TECTB: variants seen among roughly 807,000 people sequenced by gnomAD.
TECTB encodes the protein tectorin beta.
A neutral mutation model predicts 43.3 loss-of-function variants in TECTB; 45 were observed. The ratio of observed to expected loss-of-function variants is 1.04; its 90% CI spans 0.82 to 1.33. TECTB has a LOEUF of 1.33. TECTB is among the 40% of genes most tolerant of loss of function. TECTB has a pLI of 0.00. For missense variants in TECTB, 399 were observed against 404.7 expected (o/e 0.99, Z 0.12); for synonymous variants, 169 against 156.7 (o/e 1.08, Z -0.59).
intron 5 of TECTB, among the ~76,000 whole-genome samples, chr10:112,293,033 C>T (rs906946968): frequency 1.3e-5 from 2 of 152,236 alleles, no homozygotes; most frequent in Admixed American, 6.5e-5. Context: ...CCTCACACTC[C>T]TGATCTTCCT....
At position 112,286,232 on chromosome 10, in the gene TECTB, TG is replaced by T. The variant is rs778869377; in HGVS notation, c.410+21del. On this transcript the variant is annotated intron_variant, in intron 4 of 10. Coordinates refer to ENST00000646139, the MANE Select transcript of TECTB (RefSeq NM_058222.3). ...ACCAGAGGTAAGTTGCTGTGCGGCA[TG>T]GAGGGCTGGCTGCCTCATGTGTGTA... The T allele has an allele frequency of 4.3e-6, 7 of 1,614,164 alleles. No homozygotes were observed. The African/African-American group carries it at 8.0e-5, about 18-fold the overall frequency.
chr10:112,283,597 C>A lies in TECTB; in HGVS notation c.-87-51C>A. On this transcript the variant is annotated intron_variant, in intron 1 of 10. Coordinates refer to ENST00000646139, the MANE Select transcript of TECTB (RefSeq NM_058222.3). ...GAAAATTTCCCCAAGACTGTATGTG[C>A]GGCTTTGTTCTTCCCTTGATTTTAA... is the stretch of plus-strand genomic sequence containing the variant. 5.5e-6 allele frequency: 4 copies of A among 732,092 alleles called. No homozygotes were observed. The South Asian group carries it at 7.8e-5, about 14-fold the overall frequency. The allele number at this position is 732,092 out of a possible 1,614,324, so 45.3% of individuals were successfully genotyped here.
Position 112,293,876 on chromosome 10 carries a change from T to C in TECTB, c.587+35T>C, listed in dbSNP as rs759530396. 3 of 1,609,870 alleles carry C rather than the reference T, an allele frequency of 1.9e-6. No individual in the cohort carries two copies. The East Asian group carries it at 6.7e-5, about 36-fold the overall frequency. ...TTTCCTCCAAGTTTATATGTTTAAA[T>C]GCAAAGAAAAAAAAGACTAGCTGAC... On this transcript the variant is annotated intron_variant, in intron 6 of 10. Coordinates refer to ENST00000646139, the MANE Select transcript of TECTB (RefSeq NM_058222.3).
chr10:112,294,200 G>A, intron 7 of TECTB, 139 bp downstream of exon 7: 1 of 715,626 alleles, frequency 1.4e-6, no homozygotes, highest in Non-Finnish European at 2.4e-6. Context: ...GTGGTTCCAG[G>A]CAAAGAACAA....
At chr10:112,302,892 G>A (rs1184937849) in intron 10 of TECTB, 1 of 249,918 alleles carries the variant, frequency 4.0e-6, no homozygotes, top group Non-Finnish European at 7.8e-6. Context: ...GAGGAGATGG[G>A]GTAAGACAGT....
Position 112,284,590 on chromosome 10 carries a change from T to TC in TECTB, c.135dup (p.Tyr46LeufsTer34). The TC allele has an allele frequency of 6.2e-7, 1 of 1,613,236 alleles. No individual in the cohort carries two copies. The highest frequency in any genetic ancestry group is 8.5e-7 in the Non-Finnish European group (1 of 1,179,592). ...CCATCATCACCAAAATCCCCGAGTG[T>TC]CCCTATGGATGGGAAGTTCATCAGC... On this transcript the variant is annotated frameshift_variant, in exon 3 of 11. Transcript: ENST00000646139. LOFTEE classifies it high-confidence loss of function.
At position 112,299,427 on chromosome 10, in the gene TECTB, C is replaced by T. The variant is rs891228540; in HGVS notation, c.835-65C>T. ...AAAATATCTTTTCTTTCTCTTTTCT[C>T]CCCTTTGCTCACGCATCATCCCACC... On this transcript the variant is annotated intron_variant, in intron 8 of 10. Coordinates refer to ENST00000646139, the MANE Select transcript of TECTB (RefSeq NM_058222.3). 2.0e-6 allele frequency: 3 copies of T among 1,473,982 alleles called. No homozygotes were observed. In the African/African-American group the frequency reaches 4.2e-5, roughly 21 times the overall value. The allele number at this position is 1,473,982 out of a possible 1,614,324, so 91.3% of individuals were successfully genotyped here. A position where few individuals can be genotyped will look rare whatever the true frequency, so the allele number is the denominator to read the frequency against.
Position 112,283,746 on chromosome 10 carries a change from G to C in TECTB, c.12G>C (p.Lys4Asn). 1 of 1,613,870 alleles carries C rather than the reference G, an allele frequency of 6.2e-7. No homozygotes were observed. Among genetic ancestry groups the C allele is most frequent in the Non-Finnish European group, 8.5e-7 (1 of 1,179,892 alleles). MVT[K>N]AFVLLAIFAE... Reference sequence around the variant, plus strand: ...GGTTCTGAGAAGCAATGGTGACGAAGGCCTTTGTCTTGTTGGCCATCTTTG... The same window carrying C: ...GGTTCTGAGAAGCAATGGTGACGAACGCCTTTGTCTTGTTGGCCATCTTTG... The change falls in exon 2 of 11, where the codon AAG becomes AAC. Residue 4 changes from lysine (K) to asparagine (N), a missense_variant. Lys to Asn is a moderately conservative substitution (Grantham distance 94). Coordinates refer to ENST00000646139, the MANE Select transcript of TECTB (RefSeq NM_058222.3).
At position 112,294,059 on chromosome 10, in the gene TECTB, G is replaced by A. The variant is rs1589639342; in HGVS notation, c.669G>A (p.Lys223=). Residue 223 remains lysine (K), a splice_region_variant and synonymous_variant, in exon 7 of 11, where the codon AAG becomes AAA. Transcript: ENST00000646139. Reference sequence around the variant, plus strand: ...CCTTGCAGTGGCAGCTGATCAACAAGGGGTAGGTACACTATCTAGAGACAG... The same window carrying A: ...CCTTGCAGTGGCAGCTGATCAACAAAGGGTAGGTACACTATCTAGAGACAG... The part of the protein sequence containing the change: ...MYPLQWQLIN[K]GCPTDETVLV... 6.2e-7 allele frequency: 1 copy of A among 1,613,954 alleles called. No individual in the cohort carries two copies. Among genetic ancestry groups the A allele is most frequent in the African/African-American group, 1.3e-5 (1 of 75,044 alleles).
At chr10:112,289,040 C>A (rs566902894) in intron 5 of TECTB, among the ~76,000 whole-genome samples, 61 of 152,312 alleles carry the variant, frequency 4.0e-4, no homozygotes, top group Non-Finnish European at 5.0e-4. Context: ...CCTCTCTGGG[C>A]TTCTATCTCT....
intron 5 of TECTB, among the ~76,000 whole-genome samples, chr10:112,290,564 T>C (rs1000585816): frequency 7.2e-5 from 11 of 152,206 alleles, no homozygotes; most frequent in Admixed American, 2.6e-4. Flanking sequence ...ATTCTAACAT[T>C]CTGCTGGCTG....
At chr10:112,285,892 C>A (rs906782094) in intron 3 of TECTB, among the ~76,000 whole-genome samples, 179 bp from the exon 4 acceptor site, 2 of 152,166 alleles carry the variant, frequency 1.3e-5, no homozygotes, top group Non-Finnish European at 2.9e-5. Flanking sequence ...AACTAAGGAA[C>A]CCTTTACAAA....
Position 112,284,551 on chromosome 10 carries a change from T to G in TECTB, c.93T>G (p.Phe31Leu), listed in dbSNP as rs1848438736. The change falls in exon 3 of 11, where the codon TTT (phenylalanine) becomes TTG (leucine). Residue 31 changes from phenylalanine (F) to leucine (L), a missense_variant. Physicochemically the swap from Phe to Leu is conservative, Grantham distance 22 (BLOSUM62 0). Coordinates refer to ENST00000646139, the MANE Select transcript of TECTB (RefSeq NM_058222.3). The stretch of plus-strand genomic sequence containing the variant: ...TCTTTCCAGATGTCATTCTTGTGTT[T>G]TGCTATCCCAAAACCATCATCACCA... Reference protein sequence around the residue: ...APNKADVILVFCYPKTIITKI... With the variant: ...APNKADVILVLCYPKTIITKI... 3 of 1,609,110 alleles carry G rather than the reference T, an allele frequency of 1.9e-6. No homozygotes were observed. Among genetic ancestry groups the G allele is most frequent in the South Asian group, 1.1e-5 (1 of 89,930 alleles).
intron 5 of TECTB, among the ~76,000 whole-genome samples, chr10:112,291,856 G>T (rs1260208184): frequency 6.6e-6 from 1 of 152,186 alleles, no homozygotes; most frequent in African/African-American, 2.4e-5. Context: ...TAATCCACAG[G>T]CTGGGCGCAG....
chr10:112,292,566 C>A (rs752485711), intron 5 of TECTB, among the ~76,000 whole-genome samples: 14 of 152,114 alleles, frequency 9.2e-5, no homozygotes, highest in Non-Finnish European at 1.5e-4. Context: ...TCCAGAGTAG[C>A]TGGGATTACA....
intron 9 of TECTB, among the ~76,000 whole-genome samples, chr10:112,300,530 C>T (rs1445818105): frequency 3.9e-5 from 6 of 152,124 alleles, no homozygotes; most frequent in Non-Finnish European, 8.8e-5. Context: ...AGATGTTAGA[C>T]ACTAAGGGAA....
Position 112,284,519 on chromosome 10 carries a change from T to C in TECTB, c.77-16T>C, listed in dbSNP as rs763447644. ...TTACCCTAACTGATTTTAAACTATA[T>C]GTGTGCTCTTTCCAGATGTCATTCT... On this transcript the variant is annotated splice_polypyrimidine_tract_variant and intron_variant, in intron 2 of 10. Transcript: ENST00000646139. 8 of 1,590,310 alleles carry C rather than the reference T, an allele frequency of 5.0e-6. No homozygotes were observed. The Admixed American group carries it at 6.9e-5, about 14-fold the overall frequency.
chr10:112,290,930 T>C (rs970406944), intron 5 of TECTB, among the ~76,000 whole-genome samples: 7 of 152,140 alleles, frequency 4.6e-5, no homozygotes, highest in African/African-American at 9.7e-5. Context: ...AGATTCTGAG[T>C]CGTCTCAACA....
intron 9 of TECTB, among the ~76,000 whole-genome samples, chr10:112,300,332 G>GAAAGAAAGAAAGAAAGAGAAAGAA (rs1564710688): frequency 7.2e-6 from 1 of 139,562 alleles, no homozygotes; most frequent in Admixed American, 7.5e-5. Context: ...AAAGAAAAAA[G>GAAAGAAAGAAAGAAAGAGAAAGAA]AAAAGAAAAG....
Sources: allele counts gnomAD v4.1 joint callset (sites outside exome capture counted in the v4.1 genomes callset), GRCh38; gene constraint gnomAD v4.1.1; transcripts MANE v1.5; gene names NCBI Gene and HGNC (gene_info 2026-07-23, HGNC 2026-07-21).